DCAF13: variants seen among roughly 807,000 people sequenced by gnomAD.
DCAF13 encodes the protein DDB1 and CUL4 associated factor 13.
A neutral mutation model predicts 59.0 loss-of-function variants in DCAF13; 38 were observed. The ratio of observed to expected loss-of-function variants is 0.64; its 90% CI spans 0.50 to 0.84. The LOEUF (loss-of-function observed/expected upper bound fraction) is 0.84, where lower values mean the gene tolerates loss of function less well. Ranked by LOEUF, DCAF13 falls within the 40% of genes least tolerant of loss-of-function variation. The probability of loss-of-function intolerance (pLI) is 0.00; values close to 1 mark genes in which losing one functional copy is unlikely to be tolerated. For synonymous variants in DCAF13, 173 were observed against 175.0 expected (o/e 0.99, Z 0.09); for missense variants, 469 against 558.4 (o/e 0.84, Z 1.61).
intron 7 of DCAF13, among the ~76,000 whole-genome samples, chr8:103,433,428 T>G (rs1816891925): frequency 6.6e-6 from 1 of 152,110 alleles, no homozygotes; most frequent in African/African-American, 2.4e-5. Flanking sequence ...AAAGAGTATC[T>G]TATCTTTTTT....
intron 1 of DCAF13, among the ~76,000 whole-genome samples, chr8:103,417,050 G>A (rs1816629602): frequency 6.6e-6 from 1 of 152,104 alleles, no homozygotes; most frequent in Non-Finnish European, 1.5e-5. Context: ...TATCATTTTG[G>A]GTATGCTTTC....
At chr8:103,438,209 A>G (rs1816959693) in intron 8 of DCAF13, among the ~76,000 whole-genome samples, 1 of 152,168 alleles carries the variant, frequency 6.6e-6, no homozygotes, top group Admixed American at 6.5e-5. Context: ...CTTCTTAGGT[A>G]TGTGGAGATT....
Position 103,441,569 on chromosome 8 carries a change from T to C in DCAF13, c.1201T>C (p.Tyr401His), listed in dbSNP as rs776835973. 5.0e-6 allele frequency: 8 copies of C among 1,609,956 alleles called. No individual in the cohort carries two copies. In the Admixed American group the frequency reaches 1.0e-4, roughly 21 times the overall value. The part of the protein sequence containing the change: ...ARHRHLPKSI[Y>H]SQIQEQRIMK... ...TCATCGACATCTACCAAAATCTATC[T>C]ATAGCCAGATTCAGGAACAGCGCAT... is the stretch of plus-strand genomic sequence containing the variant. The change falls in exon 10 of 11, where the codon TAT (tyrosine) becomes CAT (histidine). Residue 401 changes from tyrosine to histidine, a missense_variant. By Grantham distance (83) the Tyr-to-His change is moderately conservative. Around this residue, in one of 3 missense-constraint regions of DCAF13, gnomAD observed 84 missense variants for 92.3 expected, o/e 0.91. Transcript: ENST00000612750.
intron 8 of DCAF13, chr8:103,439,473 C>CT (rs1259592681): frequency 7.1e-6 from 1 of 140,294 alleles, no homozygotes; most frequent in East Asian, 2.3e-4. Context: ...ACTACAATCT[C>CT]TGCCTCCCAG....
At chr8:103,420,769 G>GT in intron 2 of DCAF13, 6 of 584,362 alleles carry the variant, frequency 1.0e-5, no homozygotes, top group Non-Finnish European at 1.8e-5. Context: ...AAAAAGTTTT[G>GT]TAACACTTTA....
chr8:103,431,364 G>A (rs1816862646), intron 6 of DCAF13, among the ~76,000 whole-genome samples: 1 of 152,144 alleles, frequency 6.6e-6, no homozygotes, highest in South Asian at 2.1e-4. Context: ...TGACAGAAAG[G>A]GCTGGACATC....
rs79854865 is a variant in DCAF13, at chr8:103,418,709, A to G, written c.71-1555A>G. Among the ~76,000 whole-genome samples, 23 of 150,676 alleles carry G rather than the reference A, an allele frequency of 1.5e-4. 1 individual carries two copies. The East Asian group carries it at 4.5e-3, about 29-fold the overall frequency. On this transcript the variant is annotated intron_variant, in intron 1 of 10. Transcript: ENST00000612750. ...GTTGAATGTTAGATATAACACCATTACCAGGGAGTCAGAAAGAAACAGCAG... is the reference window on the plus strand; with the variant it reads ...GTTGAATGTTAGATATAACACCATTGCCAGGGAGTCAGAAAGAAACAGCAG...
rs1816921828 is a variant in DCAF13 at position 103,435,617 on chromosome 8, C to A, written c.786-9C>A. On this transcript the variant is annotated splice_polypyrimidine_tract_variant and intron_variant, in intron 7 of 10. Coordinates refer to ENST00000612750, the MANE Select transcript of DCAF13 (RefSeq NM_015420.7). ...AATATGTGTCAAATATTTAAAAATT[C>A]TTTTACAGCTTATATACTTTTGATA... 1.3e-6 allele frequency: 2 copies of A among 1,513,396 alleles called. No homozygotes were observed. The highest frequency in any genetic ancestry group is 8.8e-7 in the Non-Finnish European group (1 of 1,130,334). 93.7% of individuals were successfully genotyped at this position (1,513,396 alleles called of 1,614,324 possible). A position where few individuals can be genotyped will look rare whatever the true frequency, so the allele number is the denominator to read the frequency against.
chr8:103,420,230 T>C, intron 1 of DCAF13, 34 bp from the exon 2 acceptor site: 2 of 1,582,484 alleles, frequency 1.3e-6, no homozygotes, highest in Non-Finnish European at 1.7e-6. Flanking sequence ...AAATATTAAG[T>C]GTGAATTATT....
At position 103,430,688 on chromosome 8, in the gene DCAF13, A is replaced by C; in HGVS notation, c.701A>C (p.Lys234Thr). Residue 234 changes from lysine to threonine, a missense_variant and splice_region_variant, in exon 6 of 11, where the codon AAG becomes ACG. This residue lies in a region of DCAF13 where 355 missense variants were observed against 399.1 expected (regional missense o/e 0.89). Coordinates refer to ENST00000612750, the MANE Select transcript of DCAF13 (RefSeq NM_015420.7). ...YDMRQATPLK[K>T]VILDMRTNTI... Reference sequence around the variant, plus strand: ...ATGAGGCAAGCTACTCCTTTGAAAAAGGTGAGTTTCAGTTTTGACTTTTGC... The same window carrying C: ...ATGAGGCAAGCTACTCCTTTGAAAACGGTGAGTTTCAGTTTTGACTTTTGC... 6.2e-7 allele frequency: 1 copy of C among 1,608,130 alleles called. No individual in the cohort carries two copies. Among genetic ancestry groups the C allele is most frequent in the African/African-American group, 1.3e-5 (1 of 74,754 alleles).
intron 3 of DCAF13, among the ~76,000 whole-genome samples, chr8:103,422,872 G>A (rs1477598991): frequency 6.6e-6 from 1 of 152,172 alleles, no homozygotes; most frequent in East Asian, 1.9e-4. Context: ...GGGAAAAGAT[G>A]ACTTCTGGGA....
At chr8:103,433,247 GGTGA>G (rs1156610399) in intron 7 of DCAF13, among the ~76,000 whole-genome samples, 4 of 152,068 alleles carry the variant, frequency 2.6e-5, no homozygotes, top group African/African-American at 7.2e-5. Context: ...TTTGTATTGC[GGTGA>G]GTATCAGGTA....
chr8:103,438,447 G>A (rs1489459239), intron 8 of DCAF13, among the ~76,000 whole-genome samples: 3 of 147,050 alleles, frequency 2.0e-5, no homozygotes, highest in African/African-American at 7.5e-5. Flanking sequence ...TTGAGACAGA[G>A]TCTGGCTCTG....
In DCAF13 at chr8:103,430,664, T is replaced by C. The variant is rs1816851543; in HGVS notation, c.677T>C (p.Met226Thr). Residue 226 changes from methionine (M) to threonine (T), a missense_variant, in exon 6 of 11, where the codon ATG becomes ACG. By Grantham distance (81) the Met-to-Thr change is moderately conservative. This residue lies in a region of DCAF13 where 355 missense variants were observed against 399.1 expected (regional missense o/e 0.89). Transcript: ENST00000612750. ...ASDRNIVLYD[M>T]RQATPLKKVI... Reference sequence around the variant, plus strand: ...GACAGGAATATAGTACTGTACGATATGAGGCAAGCTACTCCTTTGAAAAAG... The same window carrying C: ...GACAGGAATATAGTACTGTACGATACGAGGCAAGCTACTCCTTTGAAAAAG... The C allele has an allele frequency of 1.2e-6, 2 of 1,610,232 alleles. No individual in the cohort carries two copies. The highest frequency in any genetic ancestry group is 1.7e-5 in the Admixed American group (1 of 59,486).
At chr8:103,435,565 T>C in intron 7 of DCAF13, 61 bp from the exon 8 acceptor site, 3 of 1,349,750 alleles carry the variant, frequency 2.2e-6, no homozygotes, top group South Asian at 2.9e-5. Flanking sequence ...TGGTATCTTT[T>C]AGTACTGCAT....
chr8:103,422,999 A>T (rs976186786), intron 3 of DCAF13, among the ~76,000 whole-genome samples: 7 of 139,516 alleles, frequency 5.0e-5, no homozygotes, highest in African/African-American at 1.9e-4. Flanking sequence ...GTTTTGGTGT[A>T]AAAAAAAAAA....
At chr8:103,427,609 A>G (rs1816812128) in intron 5 of DCAF13, 1 of 243,258 alleles carries the variant, frequency 4.1e-6, no homozygotes. Context: ...TAATTTTTCT[A>G]CCTGCCTTGG....
At position 103,417,999 on chromosome 8, in the gene DCAF13, G is replaced by A. The variant is rs541875357; in HGVS notation, c.71-2265G>A. Among the ~76,000 whole-genome samples, 91 of 151,732 alleles carry A rather than the reference G, an allele frequency of 6.0e-4. 1 individual carries two copies. Among genetic ancestry groups the A allele is most frequent in the African/African-American group, 1.9e-3 (79 of 41,354 alleles). ...ATAAATTAGCCGGGCATGGTGGCGG[G>A]TGCCTGTAGTCCCAGCTACTCGGGA... On this transcript the variant is annotated intron_variant, in intron 1 of 10. Transcript: ENST00000612750.
chr8:103,421,178 A>G (rs1816717600), intron 3 of DCAF13, 96 bp downstream of exon 3: 1 of 891,812 alleles, frequency 1.1e-6, no homozygotes, highest in Non-Finnish European at 1.8e-6. Context: ...ATTTGTTCCT[A>G]GGCCCTTTTG....
Sources: gnomAD v4.1 joint callset for allele counts (sites outside exome capture counted in the v4.1 genomes callset) on GRCh38, gnomAD v4.1.1 for gene constraint, gnomAD v4.1.1 regional missense constraint, MANE v1.5 for transcripts, NCBI Gene and HGNC (gene_info 2026-07-23, HGNC 2026-07-21) for gene names.